Variants in CCDC171 observed in about 807,000 individuals in gnomAD.
CCDC171 encodes the protein coiled-coil domain-containing protein 171.
CCDC171 carries 177 observed loss-of-function variants against 168.2 expected under a neutral mutation model. The observed-to-expected ratio is 1.05, with a 90% CI of 0.93 to 1.19. CCDC171 has a LOEUF of 1.19. Among genes scored for constraint, CCDC171 ranks in the 50% most tolerant of loss-of-function variants. CCDC171 has a pLI of 0.00. For synonymous variants in CCDC171, 687 were observed against 540.8 expected (o/e 1.27, Z -3.75); for missense variants, 1,991 against 1,539.0 (o/e 1.29, Z -4.91).
chr9:15,936,308 A>G (rs1191878108), intron 25 of CCDC171, among the ~76,000 whole-genome samples: 4 of 152,080 alleles, frequency 2.6e-5, no homozygotes, highest in African/African-American at 9.7e-5. Flanking sequence ...AGCCACAAAA[A>G]AAAAGTCAAA....
downstream of CCDC171, among the ~76,000 whole-genome samples, chr9:15,977,673 T>C (rs1040483332): frequency 5.3e-5 from 8 of 152,096 alleles, no homozygotes; most frequent in African/African-American, 1.7e-4. Context: ...GTTGACAGAG[T>C]CCTCCCAGTG....
chr9:15,653,868 C>T (rs2047721179), intron 7 of CCDC171, among the ~76,000 whole-genome samples: 3 of 151,786 alleles, frequency 2.0e-5, no homozygotes, highest in African/African-American at 7.3e-5. Flanking sequence ...CCTCTCACCT[C>T]AGCTTCCCAA....
intron 7 of CCDC171, among the ~76,000 whole-genome samples, chr9:15,637,444 CT>C (rs2046283324): frequency 2.6e-5 from 4 of 151,324 alleles, no homozygotes; most frequent in African/African-American, 9.7e-5. Context: ...TTTATTTTTA[CT>C]TTTTAAAATT....
intron 25 of CCDC171, among the ~76,000 whole-genome samples, chr9:15,942,570 C>A (rs1827851468): frequency 1.3e-5 from 2 of 151,802 alleles, no homozygotes; most frequent in South Asian, 2.1e-4. Context: ...TACTGGAGTA[C>A]AATAAATAAG....
chr9:15,564,498 C>T (rs967677519), intron 2 of CCDC171, among the ~76,000 whole-genome samples: 17 of 152,282 alleles, frequency 1.1e-4, no homozygotes, highest in Middle Eastern at 3.4e-3. Context: ...TTCATTGGCC[C>T]AGCTCTAATT....
chr9:15,945,092 A>G (rs1296095531), intron 25 of CCDC171, among the ~76,000 whole-genome samples: 2 of 146,316 alleles, frequency 1.4e-5, no homozygotes, highest in Non-Finnish European at 1.5e-5. Context: ...ATGTGTTCTC[A>G]TTGTTCAATT....
downstream of CCDC171, among the ~76,000 whole-genome samples, chr9:15,975,112 G>T (rs576896513): frequency 3.3e-5 from 5 of 152,204 alleles, no homozygotes; most frequent in African/African-American, 9.6e-5. Context: ...AAAGGTGGAA[G>T]ATAATTAATA....
chr9:15,829,979 G>T (rs1362021236), intron 21 of CCDC171, among the ~76,000 whole-genome samples: 1 of 152,068 alleles, frequency 6.6e-6, no homozygotes, highest in East Asian at 1.9e-4. Flanking sequence ...CATAATAGTA[G>T]GCTTGTTGCT....
At chr9:15,989,687 T>C (rs1476204566) in intron 3 of CCDC171, among the ~76,000 whole-genome samples, 1 of 147,362 alleles carries the variant, frequency 6.8e-6, no homozygotes, top group East Asian at 1.9e-4. Flanking sequence ...GAAAAAAAGA[T>C]TAGACAAATG....
Position 15,836,612 on chromosome 9 carries a change from A to G in CCDC171, c.3268-10090A>G, listed in dbSNP as rs550916229. ...GTGATCCGCCTGCCTCGGCCTCCCA[A>G]AGTCCTGGGATTACAGGCGTGAGCC... On this transcript the variant is annotated intron_variant, in intron 21 of 25. Transcript: ENST00000380701. 6.6e-5 allele frequency among the ~76,000 whole-genome samples: 10 copies of G among 152,214 alleles called. No individual in the cohort carries two copies. In the East Asian group the frequency reaches 1.7e-3, roughly 27 times the overall value.
At chr9:15,939,946 T>C (rs1051157665) in intron 25 of CCDC171, among the ~76,000 whole-genome samples, 1 of 151,870 alleles carries the variant, frequency 6.6e-6, no homozygotes, top group African/African-American at 2.4e-5. Flanking sequence ...TTCTACACTT[T>C]GTAAAATTAT....
At chr9:16,003,109 A>G (rs868537290) in intron 3 of CCDC171, among the ~76,000 whole-genome samples, 2 of 152,210 alleles carry the variant, frequency 1.3e-5, no homozygotes, top group African/African-American at 2.4e-5. Flanking sequence ...CAATTTCTGC[A>G]TCTCTGTTAG....
At chr9:15,772,798 G>C (rs1380284314) in intron 18 of CCDC171, among the ~76,000 whole-genome samples, 2 of 152,150 alleles carry the variant, frequency 1.3e-5, no homozygotes, top group Admixed American at 6.6e-5. Context: ...GGGAAGACTA[G>C]AGAAGAGTGC....
the CCDC171 span, among the ~76,000 whole-genome samples, chr9:16,106,738 A>G: frequency 8.5e-3 from 1,300 of 152,354 alleles, 14 homozygotes; most frequent in African/African-American, 0.028. Context: ...ATCTCATTAG[A>G]ATATGGTAAA....
At chr9:15,915,472 T>A (rs1195220764) in intron 24 of CCDC171, among the ~76,000 whole-genome samples, 1 of 152,178 alleles carries the variant, frequency 6.6e-6, no homozygotes, top group Non-Finnish European at 1.5e-5. Flanking sequence ...TAATTTTGCA[T>A]CCTGAAACTT....
the CCDC171 span, among the ~76,000 whole-genome samples, chr9:16,091,887 C>T: frequency 7.2e-5 from 11 of 152,232 alleles, no homozygotes; most frequent in East Asian, 1.7e-3. Flanking sequence ...TTTAAAATTA[C>T]GATGTGAGTG....
chr9:16,001,417 TAG>T (rs1464418544), intron 3 of CCDC171, among the ~76,000 whole-genome samples: 1 of 151,962 alleles, frequency 6.6e-6, no homozygotes, highest in Non-Finnish European at 1.5e-5. Flanking sequence ...TGTGTGTGTG[TAG>T]AGAGAGTTTT....
At chr9:15,673,575 C>G (rs2049287641) in intron 9 of CCDC171, among the ~76,000 whole-genome samples, 1 of 152,182 alleles carries the variant, frequency 6.6e-6, no homozygotes, top group South Asian at 2.1e-4. Context: ...TGAGTTCTGT[C>G]AAAGGCCTTT....
At chr9:15,695,438 A>G (rs1005624686) in intron 11 of CCDC171, 101 bp downstream of exon 11, 5 of 854,240 alleles carry the variant, frequency 5.9e-6, no homozygotes, top group Non-Finnish European at 1.0e-5. Flanking sequence ...TCATCTCAAC[A>G]TGTTTTGATT....
Sources: gnomAD v4.1 joint callset for allele counts (sites outside exome capture counted in the v4.1 genomes callset) on GRCh38, gnomAD v4.1.1 for gene constraint, MANE v1.5 for transcripts, NCBI Gene and HGNC (gene_info 2026-07-23, HGNC 2026-07-21) for gene names.